Variants in UBTD2 observed in about 807,000 individuals in gnomAD.
UBTD2 encodes the protein ubiquitin domain containing 2.
In UBTD2, 9 loss-of-function variants were observed where a neutral mutation model predicts 19.8. That is an observed-to-expected ratio of 0.46 (90% CI 0.27 to 0.79). The LOEUF (loss-of-function observed/expected upper bound fraction) is 0.79, where lower values mean the gene tolerates loss of function less well. Ranked by LOEUF, UBTD2 falls within the 30% of genes least tolerant of loss-of-function variation. The probability of loss-of-function intolerance (pLI) is 0.14; values close to 1 mark genes in which losing one functional copy is unlikely to be tolerated. For synonymous variants in UBTD2, 98 were observed against 103.9 expected (o/e 0.94, Z 0.35); for missense variants, 250 against 300.4 (o/e 0.83, Z 1.24).
intron 1 of UBTD2, among the ~76,000 whole-genome samples, chr5:172,280,509 CAAAAAAAAAAAA>C (rs376156166): frequency 8.4e-5 from 8 of 95,024 alleles, no homozygotes. Context: ...GACTCCATCT[CAAAAAAAAAAAA>C]AAAAAAAACC....
At chr5:172,240,925 T>C (rs1425406106) in intron 1 of UBTD2, among the ~76,000 whole-genome samples, 1 of 152,110 alleles carries the variant, frequency 6.6e-6, no homozygotes, top group African/African-American at 2.4e-5. Context: ...GTCTCTATCA[T>C]AAATACATAT....
chr5:172,275,383 T>A (rs1755587371), intron 1 of UBTD2, among the ~76,000 whole-genome samples: 1 of 152,100 alleles, frequency 6.6e-6, no homozygotes, highest in Admixed American at 6.6e-5. Context: ...CCAAACGGTA[T>A]CACACCACAG....
At chr5:172,230,453 T>G (rs1231118002) in intron 2 of UBTD2, among the ~76,000 whole-genome samples, 2 of 152,220 alleles carry the variant, frequency 1.3e-5, no homozygotes, top group Non-Finnish European at 2.9e-5. Context: ...TACTATTTAT[T>G]AAGTGCTTTT....
chr5:172,254,189 T>C (rs902763549), intron 1 of UBTD2, among the ~76,000 whole-genome samples: 1 of 152,110 alleles, frequency 6.6e-6, no homozygotes, highest in African/African-American at 2.4e-5. Context: ...AACCTCTGCC[T>C]CCCGGGTTCA....
At chr5:172,229,731 TTC>T (rs1755968185) in intron 2 of UBTD2, among the ~76,000 whole-genome samples, 2 of 152,144 alleles carry the variant, frequency 1.3e-5, no homozygotes, top group Non-Finnish European at 2.9e-5. Context: ...GCATTAAGTG[TTC>T]ATCTTTACAA....
intron 1 of UBTD2, among the ~76,000 whole-genome samples, chr5:172,250,621 A>G (rs541781118): frequency 2.0e-5 from 3 of 152,310 alleles, no homozygotes; most frequent in East Asian, 3.9e-4. Flanking sequence ...TTGACTATTA[A>G]TGGAGATAAT....
chr5:172,275,378 C>T (rs937738865), intron 1 of UBTD2, among the ~76,000 whole-genome samples: 7 of 152,210 alleles, frequency 4.6e-5, no homozygotes, highest in South Asian at 2.1e-4. Context: ...CACAGCCAAA[C>T]GGTATCACAC....
At chr5:172,228,473 C>G (rs539674100) in intron 2 of UBTD2, among the ~76,000 whole-genome samples, 1 of 152,300 alleles carries the variant, frequency 6.6e-6, no homozygotes, top group East Asian at 1.9e-4. Flanking sequence ...GTAATCCCAG[C>G]ACTTTGGGAG....
chr5:172,225,605 A>G (rs1227052532), intron 2 of UBTD2, among the ~76,000 whole-genome samples: 1 of 152,194 alleles, frequency 6.6e-6, no homozygotes, highest in African/African-American at 2.4e-5. Flanking sequence ...GCATCACTAC[A>G]TGAACAGGTT....
chr5:172,234,674 A>G (rs1052193042), intron 1 of UBTD2, among the ~76,000 whole-genome samples: 1 of 152,200 alleles, frequency 6.6e-6, no homozygotes, highest in African/African-American at 2.4e-5. Flanking sequence ...TGGGAGGCTG[A>G]GGTGGAAGGA....
chr5:172,250,970 T>TA (rs1554129169), intron 1 of UBTD2, among the ~76,000 whole-genome samples: 1 of 97,336 alleles, frequency 1.0e-5, no homozygotes, highest in Non-Finnish European at 2.1e-5. Flanking sequence ...GGAAAGAAAG[T>TA]AAAAGGAAGA....
chr5:172,211,621 CA>C lies in UBTD2; in HGVS notation c.*208del. On this transcript the variant is annotated 3_prime_UTR_variant, in exon 3 of 3. Coordinates refer to ENST00000393792, the MANE Select transcript of UBTD2 (RefSeq NM_152277.3). ...CCTTTCAAATTAGAAATTGTAATTA[CA>C]TGAGTCTCAAAGCCTGGCTCTTTGT... 1 of 477,102 alleles carries C rather than the reference CA, an allele frequency of 2.1e-6. No homozygotes were observed. The highest frequency in any genetic ancestry group is 3.6e-6 in the Non-Finnish European group (1 of 279,182). The allele number at this position is 477,102 out of a possible 1,614,324, so 29.6% of individuals were successfully genotyped here. A position where few individuals can be genotyped will look rare whatever the true frequency, so the allele number is the denominator to read the frequency against.
chr5:172,262,468 A>AAAAT (rs763651049), intron 1 of UBTD2, among the ~76,000 whole-genome samples: 14 of 143,164 alleles, frequency 9.8e-5, no homozygotes, highest in Non-Finnish European at 2.0e-4. Flanking sequence ...AAAAAAAAAA[A>AAAAT]CAAGAAAATG....
At chr5:172,259,951 G>C (rs1261560829) in intron 1 of UBTD2, among the ~76,000 whole-genome samples, 1 of 152,090 alleles carries the variant, frequency 6.6e-6, no homozygotes, top group East Asian at 1.9e-4. Flanking sequence ...TACTCGGGAG[G>C]CTGAGGCAGG....
chr5:172,276,006 C>G (rs777595744), intron 1 of UBTD2, among the ~76,000 whole-genome samples: 2 of 152,202 alleles, frequency 1.3e-5, no homozygotes, highest in Admixed American at 1.3e-4. Context: ...TCTCTTCCCA[C>G]TTTAGGCAAT....
At chr5:172,264,980 C>T (rs1403957081) in intron 1 of UBTD2, among the ~76,000 whole-genome samples, 1 of 152,218 alleles carries the variant, frequency 6.6e-6, no homozygotes, top group Non-Finnish European at 1.5e-5. Flanking sequence ...ATAGGCTGCA[C>T]ATGAAGCCTG....
chr5:172,273,464 G>A (rs918309223), intron 1 of UBTD2, among the ~76,000 whole-genome samples: 3 of 151,762 alleles, frequency 2.0e-5, no homozygotes, highest in African/African-American at 4.8e-5. Context: ...GGTGGCACAC[G>A]CCTGTAATCC....
At chr5:172,263,851 C>CTGTGTGTGTGTGTGTGTGTGTG (rs111856574) in intron 1 of UBTD2, among the ~76,000 whole-genome samples, 1,447 of 142,312 alleles carry the variant, frequency 0.01, 22 homozygotes, top group African/African-American at 0.03. Flanking sequence ...GCACGTGCCT[C>CTGTGTGTGTGTGTGTGTGTGTG]TGTGTGTGTG....
intron 1 of UBTD2, among the ~76,000 whole-genome samples, chr5:172,235,462 C>G (rs1170422735): frequency 6.6e-6 from 1 of 152,102 alleles, no homozygotes; most frequent in Admixed American, 6.5e-5. Flanking sequence ...AGGGTAGAAT[C>G]AGTACTTTAG....
Sources: allele counts gnomAD v4.1 joint callset (sites outside exome capture counted in the v4.1 genomes callset), GRCh38; gene constraint gnomAD v4.1.1; transcripts MANE v1.5; gene names NCBI Gene and HGNC (gene_info 2026-07-23, HGNC 2026-07-21).